KHDRBS2: variants seen among roughly 807,000 people sequenced by gnomAD.
KHDRBS2 encodes the protein KH domain-containing, RNA-binding, signal transduction-associated protein 2.
KHDRBS2 carries 26 observed loss-of-function variants against 44.3 expected under a neutral mutation model. That is an observed-to-expected ratio of 0.59 (90% CI 0.43 to 0.81). The LOEUF is 0.81. Ranked by LOEUF, KHDRBS2 falls within the 40% of genes least tolerant of loss-of-function variation. The pLI, the probability that KHDRBS2 is intolerant of heterozygous loss-of-function variation, is 0.00. For missense variants in KHDRBS2, 476 were observed against 433.1 expected (o/e 1.10, Z -0.88); for synonymous variants, 194 against 151.1 (o/e 1.28, Z -2.08).
At chr6:62,130,168 C>T (rs1414075906) in intron 2 of KHDRBS2, among the ~76,000 whole-genome samples, 2 of 152,110 alleles carry the variant, frequency 1.3e-5, no homozygotes, top group Non-Finnish European at 2.9e-5. Flanking sequence ...CAGCCCTTCA[C>T]ATGAGAAGAT....
At chr6:61,666,805 T>A in the KHDRBS2 span, among the ~76,000 whole-genome samples, 2 of 151,432 alleles carry the variant, frequency 1.3e-5, no homozygotes, top group South Asian at 2.1e-4. Context: ...TAGGTATTTC[T>A]GGGTCCTTGC....
At chr6:61,600,930 T>C in the KHDRBS2 span, among the ~76,000 whole-genome samples, 1 of 152,168 alleles carries the variant, frequency 6.6e-6, no homozygotes, top group Non-Finnish European at 1.5e-5. Flanking sequence ...ATGCGTTTTA[T>C]CTATGGACCC....
intron 5 of KHDRBS2, 117 bp downstream of exon 5, chr6:61,901,127 T>C (rs1803933034): frequency 1.1e-6 from 1 of 919,620 alleles, no homozygotes; most frequent in Non-Finnish European, 1.6e-6. Context: ...GTTTTTGCTG[T>C]GGTGGTAGTG....
At chr6:62,034,899 G>T (rs1256408482) in intron 3 of KHDRBS2, among the ~76,000 whole-genome samples, 1 of 151,852 alleles carries the variant, frequency 6.6e-6, no homozygotes, top group Non-Finnish European at 1.5e-5. Flanking sequence ...CCACATCATT[G>T]ATCATCAGAG....
At chr6:62,096,665 GT>G (rs1800671630) in intron 2 of KHDRBS2, among the ~76,000 whole-genome samples, 2 of 151,488 alleles carry the variant, frequency 1.3e-5, no homozygotes. Context: ...AAAAAACCGG[GT>G]TTTCATTTAA....
chr6:61,667,626 TA>T, the KHDRBS2 span, among the ~76,000 whole-genome samples: 1 of 151,314 alleles, frequency 6.6e-6, no homozygotes, highest in Non-Finnish European at 1.5e-5. Flanking sequence ...TCGTCATCTT[TA>T]AACCAAGATA....
At chr6:61,627,838 C>A in the KHDRBS2 span, among the ~76,000 whole-genome samples, 96 of 152,182 alleles carry the variant, frequency 6.3e-4, no homozygotes, top group Admixed American at 2.9e-3. Context: ...AATATAATTT[C>A]TTGAACTCTG....
chr6:62,108,110 A>C (rs1192879584), intron 2 of KHDRBS2, among the ~76,000 whole-genome samples: 2 of 152,176 alleles, frequency 1.3e-5, no homozygotes, highest in South Asian at 2.1e-4. Flanking sequence ...TAATTAAACT[A>C]AAGAGCTTCT....
In KHDRBS2 at chr6:61,695,568, C is replaced by T. The variant is rs1158694411; in HGVS notation, c.952+1627G>A. Reference sequence around the variant, plus strand: ...GTAGCAGCAATTAATAGTATTTCAACCACCGATGAGAATATAAGAACAGAA... The same window carrying T: ...GTAGCAGCAATTAATAGTATTTCAATCACCGATGAGAATATAAGAACAGAA... On this transcript the variant is annotated intron_variant, in intron 8 of 8. Transcript: ENST00000281156. Among the ~76,000 whole-genome samples, 5 of 152,108 alleles carry T rather than the reference C, an allele frequency of 3.3e-5. No homozygotes were observed. In the East Asian group the frequency reaches 9.7e-4, roughly 29 times the overall value.
chr6:61,774,752 A>T (rs891728694), intron 6 of KHDRBS2, among the ~76,000 whole-genome samples: 1 of 152,292 alleles, frequency 6.6e-6, no homozygotes, highest in East Asian at 1.9e-4. Flanking sequence ...AACTATTCCA[A>T]TCAATAGAAA....
intron 3 of KHDRBS2, among the ~76,000 whole-genome samples, chr6:62,016,668 C>A (rs1320180917): frequency 6.7e-6 from 1 of 150,316 alleles, no homozygotes; most frequent in Non-Finnish European, 1.5e-5. Context: ...TATATATAGT[C>A]TGATCGAGAG....
At chr6:61,841,490 C>A (rs758555068) in intron 6 of KHDRBS2, among the ~76,000 whole-genome samples, 9 of 152,114 alleles carry the variant, frequency 5.9e-5, no homozygotes, top group African/African-American at 2.2e-4. Context: ...ATTAATTTGG[C>A]TTTACAAAGA....
intron 6 of KHDRBS2, among the ~76,000 whole-genome samples, chr6:61,886,048 G>C (rs1201356350): frequency 2.0e-5 from 3 of 151,932 alleles, no homozygotes; most frequent in Non-Finnish European, 4.4e-5. Flanking sequence ...TCATAGCTAG[G>C]GCCACATCTC....
the KHDRBS2 span, among the ~76,000 whole-genome samples, chr6:61,643,630 T>A: frequency 6.6e-6 from 1 of 152,078 alleles, no homozygotes; most frequent in Non-Finnish European, 1.5e-5. Flanking sequence ...ATGAAATCAA[T>A]GTACAAAAAT....
chr6:61,746,692 G>A (rs1251135370), intron 6 of KHDRBS2, among the ~76,000 whole-genome samples: 1 of 151,932 alleles, frequency 6.6e-6, no homozygotes, highest in Non-Finnish European at 1.5e-5. Context: ...TGGGTCAAAT[G>A]GTATTTCTCA....
At chr6:61,928,427 G>C (rs1326000401) in intron 4 of KHDRBS2, among the ~76,000 whole-genome samples, 1 of 151,942 alleles carries the variant, frequency 6.6e-6, no homozygotes, top group Non-Finnish European at 1.5e-5. Flanking sequence ...ATCACTGTGT[G>C]GAAATAGGTT....
At chr6:61,988,981 G>T (rs1454367350) in intron 3 of KHDRBS2, among the ~76,000 whole-genome samples, 1 of 152,086 alleles carries the variant, frequency 6.6e-6, no homozygotes, top group Non-Finnish European at 1.5e-5. Context: ...AAGAAGTTGA[G>T]GAGATGAAAT....
intron 2 of KHDRBS2, among the ~76,000 whole-genome samples, chr6:62,072,254 G>T (rs374075454): frequency 6.6e-6 from 1 of 152,048 alleles, no homozygotes; most frequent in African/African-American, 2.4e-5. Flanking sequence ...GAGACGATGG[G>T]GTTTTCTAGA....
intron 2 of KHDRBS2, among the ~76,000 whole-genome samples, chr6:62,152,091 G>A (rs1487283794): frequency 3.9e-5 from 6 of 152,128 alleles, no homozygotes; most frequent in East Asian, 3.9e-4. Context: ...AGTCCGAGGC[G>A]GGAGGATCAC....
Sources: allele counts gnomAD v4.1 joint callset (sites outside exome capture counted in the v4.1 genomes callset), GRCh38; gene constraint gnomAD v4.1.1; transcripts MANE v1.5; gene names NCBI Gene and HGNC (gene_info 2026-07-23, HGNC 2026-07-21).